DIAPH1: variants seen among roughly 807,000 people sequenced by gnomAD.
DIAPH1 encodes protein diaphanous homolog 1.
In DIAPH1, 46 loss-of-function variants were observed where a neutral mutation model predicts 140.7. The ratio of observed to expected loss-of-function variants is 0.33; its 90% CI spans 0.26 to 0.42. DIAPH1 has a LOEUF of 0.42. Ranked by LOEUF, DIAPH1 falls within the 10% of genes least tolerant of loss-of-function variation. The probability of loss-of-function intolerance (pLI) is 1.00; values close to 1 mark genes in which losing one functional copy is unlikely to be tolerated. For missense variants in DIAPH1, 1,310 were observed against 1,558.7 expected, an observed-to-expected ratio of 0.84 and a Z score of 2.69; for synonymous variants, 565 against 551.6, an observed-to-expected ratio of 1.02 and a Z score of -0.34.
chr5:141,540,811 G>T (rs1207999219), intron 18 of DIAPH1, among the ~76,000 whole-genome samples: 1 of 151,530 alleles, frequency 6.6e-6, no homozygotes, highest in Non-Finnish European at 1.5e-5. Context: ...TATAATCCCA[G>T]CACTTTGGGA....
At chr5:141,519,474 G>C (rs533207249) in intron 27 of DIAPH1, among the ~76,000 whole-genome samples, 1 of 152,162 alleles carries the variant, frequency 6.6e-6, no homozygotes, top group Non-Finnish European at 1.5e-5. Flanking sequence ...CACTTGTCCT[G>C]GGCAACACAG....
intron 18 of DIAPH1, among the ~76,000 whole-genome samples, chr5:141,543,731 T>C (rs2099890354): frequency 6.6e-6 from 1 of 152,216 alleles, no homozygotes; most frequent in South Asian, 2.1e-4. Flanking sequence ...AACAATATTT[T>C]CGACTCACAA....
chr5:141,542,275 T>C (rs1432316254), intron 18 of DIAPH1, among the ~76,000 whole-genome samples: 1 of 151,586 alleles, frequency 6.6e-6, no homozygotes, highest in Non-Finnish European at 1.5e-5. Context: ...CTACTAAAAA[T>C]ACAAAAAATT....
chr5:141,557,256 GAC>G (rs1275981391), intron 18 of DIAPH1, among the ~76,000 whole-genome samples: 1 of 151,902 alleles, frequency 6.6e-6, no homozygotes, highest in Admixed American at 6.6e-5. Flanking sequence ...TAATTTTTTT[GAC>G]ACACATTCTG....
At position 141,573,525 on chromosome 5, in the gene DIAPH1, T is replaced by G; in HGVS notation, c.2325A>C (p.Pro775=). 1 of 1,612,570 alleles carries G rather than the reference T, an allele frequency of 6.2e-7. No homozygotes were observed. Among genetic ancestry groups the G allele is most frequent in the Non-Finnish European group, 8.5e-7 (1 of 1,179,264 alleles). The change falls in exon 16 of 28, where the codon CCA becomes CCC. Residue 775 remains proline, a synonymous_variant. Coordinates refer to ENST00000389054, the MANE Select transcript of DIAPH1 (RefSeq NM_005219.5). ...AGTTTGGCCTCCGGAGCTGCACCTC[T>G]GGCTTATAAAGCTTTTTGGGGGTTA... ...FGLTPKKLYK[P]EVQLRRPNWS...
intron 18 of DIAPH1, among the ~76,000 whole-genome samples, chr5:141,553,351 C>G (rs1483474241): frequency 6.7e-6 from 1 of 148,620 alleles, no homozygotes; most frequent in Non-Finnish European, 1.5e-5. Context: ...TAAACAAAAA[C>G]AGTCTCGGCC....
At chr5:141,523,521 G>C (rs775671111) in intron 27 of DIAPH1, among the ~76,000 whole-genome samples, 4 of 152,068 alleles carry the variant, frequency 2.6e-5, no homozygotes, top group Non-Finnish European at 5.9e-5. Context: ...AATCCACTTA[G>C]ATCTTCCAAA....
rs79912054 is a variant in DIAPH1 at position 141,616,190 on chromosome 5, G to A, written c.117+2608C>T. On this transcript the variant is annotated intron_variant, in intron 1 of 27. Coordinates refer to ENST00000389054, the MANE Select transcript of DIAPH1 (RefSeq NM_005219.5). ...TGATGCCCAACCACTTTTAAACTGA[G>A]GGTCCATCTCCTTTCCACACAAGAT... Among the ~76,000 whole-genome samples, 753 of 152,272 alleles carry A rather than the reference G, an allele frequency of 4.9e-3. 4 individuals carry two copies. The highest frequency in any genetic ancestry group is 0.017 in the African/African-American group (694 of 41,552).
chr5:141,560,915 C>A, intron 18 of DIAPH1: 1 of 455,386 alleles, frequency 2.2e-6, no homozygotes, highest in South Asian at 1.6e-5. Flanking sequence ...GAGGTGGAAG[C>A]CAGGAAAGGG....
chr5:141,554,867 A>G (rs1457020083), intron 18 of DIAPH1, among the ~76,000 whole-genome samples: 1 of 152,200 alleles, frequency 6.6e-6, no homozygotes, highest in Non-Finnish European at 1.5e-5. Flanking sequence ...TAGTCTTAGC[A>G]TATTAGAAAT....
intron 11 of DIAPH1, chr5:141,577,892 G>A: frequency 2.0e-6 from 1 of 501,546 alleles, no homozygotes; most frequent in Admixed American, 3.2e-5. Flanking sequence ...AATATTAACA[G>A]GTAACTAAAT....
At position 141,618,788 on chromosome 5, in the gene DIAPH1, G is replaced by C; in HGVS notation, c.117+10C>G. Reference sequence around the variant, plus strand: ...GGGCCAGGCAGGAGCGGGATGGGAGGGACACTCACAAATTTCTTAGATTTG... The same window carrying C: ...GGGCCAGGCAGGAGCGGGATGGGAGCGACACTCACAAATTTCTTAGATTTG... On this transcript the variant is annotated intron_variant, in intron 1 of 27. Coordinates refer to ENST00000389054, the MANE Select transcript of DIAPH1 (RefSeq NM_005219.5). 6.5e-7 allele frequency: 1 copy of C among 1,537,620 alleles called. No individual in the cohort carries two copies. Among genetic ancestry groups the C allele is most frequent in the African/African-American group, 1.4e-5 (1 of 72,584 alleles).
chr5:141,600,969 T>C (rs1321146773), intron 1 of DIAPH1, among the ~76,000 whole-genome samples: 1 of 151,996 alleles, frequency 6.6e-6, no homozygotes, highest in East Asian at 1.9e-4. Flanking sequence ...GAGCAAACTA[T>C]TGCAAGGACA....
intron 2 of DIAPH1, 135 bp from the exon 3 acceptor site, chr5:141,587,332 AC>A (rs2099897691): frequency 2.4e-6 from 2 of 848,246 alleles, no homozygotes; most frequent in Admixed American, 4.2e-5. Flanking sequence ...GACTCTTCTG[AC>A]ATGAAAAGAA....
At chr5:141,526,243 G>A in intron 25 of DIAPH1, 54 bp downstream of exon 25, 3 of 1,614,072 alleles carry the variant, frequency 1.9e-6, no homozygotes, top group Admixed American at 1.7e-5. Context: ...AGGAACCCAG[G>A]GGAAAGTGAG....
intron 18 of DIAPH1, among the ~76,000 whole-genome samples, chr5:141,536,346 A>G (rs960903199): frequency 2.0e-5 from 3 of 152,142 alleles, no homozygotes; most frequent in East Asian, 1.9e-4. Context: ...AGTTTGAGGA[A>G]GAAAAATACT....
At chr5:141,524,643 G>C (rs944957187) in intron 26 of DIAPH1, 2 of 310,040 alleles carry the variant, frequency 6.5e-6, no homozygotes, top group African/African-American at 4.3e-5. Context: ...GAGCAGGGCC[G>C]AGGAAAGACC....
chr5:141,552,639 G>C (rs1379409429), intron 18 of DIAPH1, among the ~76,000 whole-genome samples: 2 of 152,094 alleles, frequency 1.3e-5, no homozygotes, highest in Admixed American at 1.3e-4. Flanking sequence ...ATTGTTTTAA[G>C]TCACTAAATT....
intron 18 of DIAPH1, among the ~76,000 whole-genome samples, chr5:141,556,924 A>G (rs1008712243): frequency 2.0e-5 from 3 of 151,990 alleles, no homozygotes; most frequent in Non-Finnish European, 4.4e-5. Flanking sequence ...CAAACTCCCA[A>G]CCTCACGTGA....
Sources: gnomAD v4.1 joint callset for allele counts (sites outside exome capture counted in the v4.1 genomes callset) on GRCh38, gnomAD v4.1.1 for gene constraint, MANE v1.5 for transcripts, NCBI Gene and HGNC (gene_info 2026-07-23, HGNC 2026-07-21) for gene names.